PCMT1: variants seen among roughly 807,000 people sequenced by gnomAD.
The protein encoded by PCMT1 is protein-L-isoaspartate(D-aspartate) O-methyltransferase.
A neutral mutation model predicts 29.2 loss-of-function variants in PCMT1; 9 were observed. The observed-to-expected ratio is 0.31, with a 90% CI of 0.19 to 0.54. The LOEUF is 0.54. Ranked by LOEUF, PCMT1 falls within the 20% of genes least tolerant of loss-of-function variation. The probability of loss-of-function intolerance (pLI) is 0.95; values close to 1 mark genes in which losing one functional copy is unlikely to be tolerated. For synonymous variants in PCMT1, 98 were observed against 97.5 expected (o/e 1.00, Z -0.03); for missense variants, 184 against 282.2 (o/e 0.65, Z 2.49).
In PCMT1 at chr6:149,803,691, T is replaced by A. The variant is rs1170866394; in HGVS notation, c.*37+1275T>A. 3.3e-5 allele frequency among the ~76,000 whole-genome samples: 5 copies of A among 151,848 alleles called. No homozygotes were observed. In the East Asian group the frequency reaches 9.6e-4, roughly 29 times the overall value. On this transcript the variant is annotated intron_variant, in intron 7 of 7. Transcript: ENST00000464889. ...TTCTTATTTTAAAATAATTAGTTTC[T>A]TAATAAGTAAAAGGGGTGATAATAA...
At chr6:149,755,440 T>C (rs369175148) in intron 1 of PCMT1, among the ~76,000 whole-genome samples, 1 of 150,384 alleles carries the variant, frequency 6.6e-6, no homozygotes, top group African/African-American at 2.5e-5. Flanking sequence ...AAAAAAAAAA[T>C]GTTGAGTATC....
intron 7 of PCMT1, among the ~76,000 whole-genome samples, chr6:149,807,103 A>G (rs952921050): frequency 2.0e-5 from 3 of 152,194 alleles, no homozygotes; most frequent in African/African-American, 7.2e-5. Context: ...AGTACCAAGT[A>G]AAGATCCAAA....
At chr6:149,787,862 T>A (rs2115303977) in intron 3 of PCMT1, among the ~76,000 whole-genome samples, 1 of 152,000 alleles carries the variant, frequency 6.6e-6, no homozygotes, top group African/African-American at 2.4e-5. Context: ...TGTATTATAT[T>A]TCCGTTTTTC....
rs1318397090 is a variant in PCMT1, at chr6:149,762,984, A to G, written c.56-8178A>G. The stretch of plus-strand genomic sequence containing the variant: ...TATCTATGATATATATGATATATAT[A>G]TCTATGATATATATGATATATATAT... On this transcript the variant is annotated intron_variant, in intron 1 of 7. Transcript: ENST00000464889. Among the ~76,000 whole-genome samples, 2 of 63,774 alleles carry G rather than the reference A, an allele frequency of 3.1e-5. 1 individual carries two copies. The highest frequency in any genetic ancestry group is 4.4e-5 in the Non-Finnish European group (2 of 45,308). The allele number at this position is 63,774 out of a possible 152,430, so 41.8% of individuals were successfully genotyped here.
chr6:149,802,097 C>T, intron 6 of PCMT1, 103 bp from the exon 7 acceptor site: 1 of 766,066 alleles, frequency 1.3e-6, no homozygotes, highest in Non-Finnish European at 2.0e-6. Flanking sequence ...TCATTGCACT[C>T]CAGCCTGGGC....
intron 3 of PCMT1, among the ~76,000 whole-genome samples, chr6:149,783,142 AT>A (rs1371787706): frequency 2.0e-5 from 3 of 151,922 alleles, no homozygotes; most frequent in Non-Finnish European, 2.9e-5. Context: ...TATTATTATT[AT>A]TTTTTTTCAA....
intron 1 of PCMT1, among the ~76,000 whole-genome samples, chr6:149,760,235 C>G (rs1786680612): frequency 6.6e-6 from 1 of 152,080 alleles, no homozygotes; most frequent in African/African-American, 2.4e-5. Context: ...ATAGCTTACT[C>G]CCATGCTCCA....
chr6:149,792,911 C>T (rs1175720679), intron 4 of PCMT1, among the ~76,000 whole-genome samples: 2 of 152,008 alleles, frequency 1.3e-5, no homozygotes, highest in Admixed American at 6.6e-5. Context: ...TCCTGTAATC[C>T]CAGCACTCTG....
intron 3 of PCMT1, among the ~76,000 whole-genome samples, chr6:149,781,150 T>C (rs1787795099): frequency 6.6e-6 from 1 of 151,394 alleles, no homozygotes; most frequent in Non-Finnish European, 1.5e-5. Context: ...TTCTGTATCT[T>C]CTTTGGAGAA....
In PCMT1 at chr6:149,796,562, T is replaced by C. The variant is rs1042819034; in HGVS notation, c.504+62T>C. On this transcript the variant is annotated intron_variant, in intron 6 of 7. Transcript: ENST00000464889. ...CAACTAAAACTCTACAAGACTTAAA[T>C]AGAAAAGACTTCTAGATGATGTTCA... 7.9e-5 allele frequency: 88 copies of C among 1,119,718 alleles called. No individual in the cohort carries two copies. The East Asian group carries it at 2.0e-3, about 26-fold the overall frequency. The allele number at this position is 1,119,718 out of a possible 1,614,324, so 69.4% of individuals were successfully genotyped here.
chr6:149,802,626 TG>T (rs1166500247), intron 7 of PCMT1: 155 of 526,330 alleles, frequency 2.9e-4, no homozygotes, highest in African/African-American at 2.2e-3. Flanking sequence ...TTTGTTTGTT[TG>T]TTTTTTTTTT....
chr6:149,770,365 A>G (rs1422073953), intron 1 of PCMT1, among the ~76,000 whole-genome samples: 1 of 152,150 alleles, frequency 6.6e-6, no homozygotes, highest in African/African-American at 2.4e-5. Flanking sequence ...TATATTACCT[A>G]CCAAATATAA....
intron 3 of PCMT1, among the ~76,000 whole-genome samples, chr6:149,785,566 G>A (rs1359421033): frequency 1.8e-4 from 28 of 152,220 alleles, no homozygotes; most frequent in Admixed American, 8.5e-4. Context: ...CTTCCGCAGT[G>A]TTTGTGTCCC....
intron 1 of PCMT1, among the ~76,000 whole-genome samples, chr6:149,760,800 C>G (rs887045542): frequency 6.6e-6 from 1 of 152,040 alleles, no homozygotes; most frequent in Admixed American, 6.6e-5. Flanking sequence ...TGCAGTGAGC[C>G]AAGATCGTAC....
At chr6:149,762,595 GATATATATATCTATGAT>G (rs1786809399) in intron 1 of PCMT1, among the ~76,000 whole-genome samples, 1 of 37,248 alleles carries the variant, frequency 2.7e-5, no homozygotes, top group Non-Finnish European at 4.3e-5. Context: ...ATATATCTAT[GATATATATATCTATGAT>G]ATATATATAT....
At chr6:149,773,636 C>A (rs1476030570) in intron 3 of PCMT1, among the ~76,000 whole-genome samples, 1 of 152,186 alleles carries the variant, frequency 6.6e-6, no homozygotes, top group East Asian at 1.9e-4. Context: ...GCCTCGGCCT[C>A]CCAAAGTGCT....
intron 3 of PCMT1, among the ~76,000 whole-genome samples, chr6:149,775,995 A>C (rs1279664005): frequency 2.0e-5 from 3 of 152,014 alleles, no homozygotes; most frequent in Non-Finnish European, 4.4e-5. Context: ...CCCTGTCTCT[A>C]CTAAAAATAC....
rs1407318670 is a variant in PCMT1 at position 149,796,488 on chromosome 6, T to A, written c.492T>A (p.Val164=). ...TTCATGTGGGAGCTGCAGCCCCTGTTGTACCCCAGGCGGTGAGTCGGGATT... is the reference window on the plus strand; with the variant it reads ...TTCATGTGGGAGCTGCAGCCCCTGTAGTACCCCAGGCGGTGAGTCGGGATT... ...DAIHVGAAAP[V]VPQALIDQLK... The change falls in exon 6 of 8, where the codon GTT becomes GTA. Residue 164 remains valine, a synonymous_variant. Transcript: ENST00000464889. 1 of 1,612,926 alleles carries A rather than the reference T, an allele frequency of 6.2e-7. No homozygotes were observed. Among genetic ancestry groups the A allele is most frequent in the East Asian group, 2.2e-5 (1 of 44,858 alleles).
At chr6:149,774,622 C>T (rs888536885) in intron 3 of PCMT1, among the ~76,000 whole-genome samples, 1 of 151,190 alleles carries the variant, frequency 6.6e-6, no homozygotes, top group Non-Finnish European at 1.5e-5. Context: ...ACTGCAACCT[C>T]CACCTCCTAG....
Sources: allele counts gnomAD v4.1 joint callset (sites outside exome capture counted in the v4.1 genomes callset), GRCh38; gene constraint gnomAD v4.1.1; transcripts MANE v1.5; gene names NCBI Gene and HGNC (gene_info 2026-07-23, HGNC 2026-07-21).